The following AKAP9 variants were observed in gnomAD, a reference collection of about 807,000 sequenced individuals.
The protein encoded by AKAP9 is A-kinase anchor protein 9.
Under a neutral mutation model 488.5 loss-of-function variants are expected in AKAP9, and 311 were observed. The observed-to-expected ratio is 0.64, with a 90% CI of 0.58 to 0.70. The LOEUF (loss-of-function observed/expected upper bound fraction) is 0.70. Ranked by LOEUF, AKAP9 falls within the 30% of genes least tolerant of loss-of-function variation. The pLI, the probability that AKAP9 is intolerant of heterozygous loss-of-function variation, is 0.00. For synonymous variants in AKAP9, 1,462 were observed against 1,483.5 expected (o/e 0.99, Z 0.33); for missense variants, 4,215 against 4,374.5 (o/e 0.96, Z 1.03).
chr7:91,967,473 G>T (rs1794557404), intron 1 of AKAP9, among the ~76,000 whole-genome samples: 1 of 152,116 alleles, frequency 6.6e-6, no homozygotes, highest in Non-Finnish European at 1.5e-5. Flanking sequence ...TTTGAGGTAT[G>T]CATCTTCTGT....
At chr7:92,025,184 A>G (rs941722870) in intron 14 of AKAP9, among the ~76,000 whole-genome samples, 1 of 152,194 alleles carries the variant, frequency 6.6e-6, no homozygotes, top group African/African-American at 2.4e-5. Flanking sequence ...GAACTTTCTA[A>G]TAAACAGTAT....
At chr7:91,995,887 C>A in intron 7 of AKAP9, 87 bp downstream of exon 7, 1 of 917,458 alleles carries the variant, frequency 1.1e-6, no homozygotes, top group Non-Finnish European at 1.7e-6. Context: ...TTGTTAGGCA[C>A]ATGAATCACA....
At chr7:92,074,973 T>C (rs1305776390) in intron 28 of AKAP9, among the ~76,000 whole-genome samples, 2 of 152,070 alleles carry the variant, frequency 1.3e-5, no homozygotes, top group East Asian at 3.9e-4. Flanking sequence ...AATAAACCTA[T>C]GCATTCTGCA....
chr7:92,049,122 C>A (rs553383701), intron 21 of AKAP9, among the ~76,000 whole-genome samples: 55 of 152,204 alleles, frequency 3.6e-4, no homozygotes, highest in African/African-American at 1.3e-3. Flanking sequence ...ATGATATAAT[C>A]CATAAAGTTA....
At chr7:91,984,363 C>T (rs1796800715) in intron 3 of AKAP9, among the ~76,000 whole-genome samples, 1 of 152,122 alleles carries the variant, frequency 6.6e-6, no homozygotes, top group South Asian at 2.1e-4. Context: ...GCCAGTTTTC[C>T]CAGCGCCATG....
intron 45 of AKAP9, 140 bp downstream of exon 45, chr7:92,101,196 G>A: frequency 2.6e-6 from 2 of 773,778 alleles, no homozygotes; most frequent in Non-Finnish European, 4.0e-6. Context: ...CAGCACTTTG[G>A]GAGGCCGAGA....
At chr7:92,026,503 T>G (rs1803169513) in intron 14 of AKAP9, among the ~76,000 whole-genome samples, 1 of 151,202 alleles carries the variant, frequency 6.6e-6, no homozygotes, top group Non-Finnish European at 1.5e-5. Context: ...CCTGACTGGT[T>G]TTTGTGTTTT....
intron 8 of AKAP9, among the ~76,000 whole-genome samples, chr7:92,008,350 G>GA (rs997897477): frequency 9.5e-5 from 14 of 147,960 alleles, no homozygotes; most frequent in Non-Finnish European, 1.9e-4. Flanking sequence ...CTAGGCGACA[G>GA]AAAAAAAGAA....
rs201231009 is a variant in AKAP9 at position 91,982,166 on chromosome 7, C to CGTATGTAT, written c.351+1867_351+1874dup. Among the ~76,000 whole-genome samples the CGTATGTAT allele has an allele frequency of 3.0e-3, 453 of 150,364 alleles. 2 individuals are homozygous for CGTATGTAT. Among genetic ancestry groups the CGTATGTAT allele is most frequent in the Middle Eastern group, 6.9e-3 (2 of 290 alleles). ...TTTGTCATTCTAAGTATTTTACGTA[C>CGTATGTAT]GTATGTATGTATGTATGTATGTATG... is the stretch of plus-strand genomic sequence containing the variant. On this transcript the variant is annotated intron_variant, in intron 3 of 49. Transcript: ENST00000356239.
intron 24 of AKAP9, 75 bp from the exon 25 acceptor site, chr7:92,065,156 A>T (rs1482277882): frequency 5.2e-6 from 5 of 963,938 alleles, no homozygotes; most frequent in Non-Finnish European, 7.8e-6. Context: ...AAATTTGGAC[A>T]TAGTTATCAG....
intron 12 of AKAP9, 26 bp downstream of exon 12, chr7:92,017,128 A>G: frequency 6.8e-7 from 1 of 1,466,780 alleles, no homozygotes; most frequent in African/African-American, 1.4e-5. Context: ...AATATATTGT[A>G]ATATTTGCAT....
intron 37 of AKAP9, 108 bp from the exon 38 acceptor site, chr7:92,089,277 G>T: frequency 3.1e-6 from 4 of 1,297,732 alleles, no homozygotes; most frequent in Non-Finnish European, 4.3e-6. Context: ...TTTTAAAAAA[G>T]AAAATTTTAG....
chr7:92,034,490 A>G (rs935803351), intron 16 of AKAP9, among the ~76,000 whole-genome samples: 4 of 92,876 alleles, frequency 4.3e-5, no homozygotes, highest in Non-Finnish European at 6.5e-5. Context: ...CTATATATAT[A>G]TATATATATT....
intron 1 of AKAP9, among the ~76,000 whole-genome samples, chr7:91,955,185 G>A (rs1201119909): frequency 6.6e-6 from 1 of 152,172 alleles, no homozygotes; most frequent in East Asian, 1.9e-4. Flanking sequence ...GGTGGGAGGA[G>A]AGGCAGGGGT....
intron 28 of AKAP9, among the ~76,000 whole-genome samples, chr7:92,076,261 C>T (rs989114591): frequency 1.3e-4 from 20 of 152,186 alleles, no homozygotes; most frequent in Admixed American, 2.0e-4. Flanking sequence ...TGTTGTCCTA[C>T]CTATAGGAGC....
chr7:92,076,538 G>A (rs890333748), intron 28 of AKAP9, among the ~76,000 whole-genome samples: 2 of 151,888 alleles, frequency 1.3e-5, no homozygotes, highest in African/African-American at 4.8e-5. Context: ...TTAATATGTG[G>A]ACTCTTTCCC....
intron 38 of AKAP9, chr7:92,089,783 T>C (rs1052652985): frequency 9.2e-5 from 28 of 303,428 alleles, no homozygotes; most frequent in Middle Eastern, 2.1e-3. Flanking sequence ...ATTCATTCTT[T>C]TTCTTTATTT....
chr7:92,012,669 C>T (rs1800913667), intron 9 of AKAP9, 27 bp downstream of exon 9: 7 of 1,548,900 alleles, frequency 4.5e-6, no homozygotes, highest in Non-Finnish European at 6.2e-6. Flanking sequence ...CTTATAAGTA[C>T]CATGATCCAA....
chr7:92,005,982 G>C (rs963420193), intron 8 of AKAP9, among the ~76,000 whole-genome samples: 1 of 151,926 alleles, frequency 6.6e-6, no homozygotes, highest in Non-Finnish European at 1.5e-5. Flanking sequence ...TTGCTTAACT[G>C]TTAATGTTCT....
Sources: allele counts gnomAD v4.1 joint callset (sites outside exome capture counted in the v4.1 genomes callset), GRCh38; gene constraint gnomAD v4.1.1; transcripts MANE v1.5; gene names NCBI Gene and HGNC (gene_info 2026-07-23, HGNC 2026-07-21).